Variants in EZH1 observed in about 807,000 individuals in gnomAD.
EZH1 encodes enhancer of zeste 1 polycomb repressive complex 2 subunit.
In EZH1, 33 loss-of-function variants were observed where a neutral mutation model predicts 100.5. The observed-to-expected ratio is 0.33, with a 90% CI of 0.25 to 0.44. The LOEUF (loss-of-function observed/expected upper bound fraction) is 0.44. Ranked by LOEUF, EZH1 falls within the 20% of genes least tolerant of loss-of-function variation. The probability of loss-of-function intolerance (pLI) is 1.00; values close to 1 mark genes in which losing one functional copy is unlikely to be tolerated. For synonymous variants in EZH1, 272 were observed against 313.8 expected, an observed-to-expected ratio of 0.87 and a Z score of 1.41; for missense variants, 475 against 928.4, an observed-to-expected ratio of 0.51 and a Z score of 6.35.
At chr17:42,743,818 T>C (rs2054224997) in intron 1 of EZH1, among the ~76,000 whole-genome samples, 1 of 152,122 alleles carries the variant, frequency 6.6e-6, no homozygotes, top group South Asian at 2.1e-4. Flanking sequence ...ATCTCTTTTA[T>C]CAGTGGCATA....
chr17:42,709,305 T>C (rs888188687), intron 13 of EZH1: 2 of 223,830 alleles, frequency 8.9e-6, no homozygotes. Context: ...TCAGGAATCT[T>C]CTCTGAAAGA....
At chr17:42,719,999 T>C (rs1597842613) in intron 7 of EZH1, among the ~76,000 whole-genome samples, 1 of 152,230 alleles carries the variant, frequency 6.6e-6, no homozygotes, top group Non-Finnish European at 1.5e-5. Context: ...ATATAAAATT[T>C]GATATATACA....
rs2143828767 is a variant in EZH1 at position 42,727,662 on chromosome 17, A to G, written c.219T>C (p.Pro73=). Residue 73 remains proline, a synonymous_variant, in exon 4 of 21, where the codon CCT becomes CCC. Coordinates refer to ENST00000428826, the MANE Select transcript of EZH1 (RefSeq NM_001991.5). ...TTTTGAGAAAAGGGTGTCCACTCAC[A>G]GGCTTCATTGACTGAACAGGTTGGA... is the stretch of plus-strand genomic sequence containing the variant. ...LRVQPVQSMK[P]VSGHPFLKKC... The G allele has an allele frequency of 6.2e-7, 1 of 1,613,226 alleles. No individual in the cohort carries two copies. Among genetic ancestry groups the G allele is most frequent in the Non-Finnish European group, 8.5e-7 (1 of 1,179,658 alleles).
At chr17:42,741,504 G>A (rs1341346171) in intron 1 of EZH1, among the ~76,000 whole-genome samples, 2 of 152,048 alleles carry the variant, frequency 1.3e-5, no homozygotes, top group East Asian at 3.9e-4. Context: ...GCCACAACGT[G>A]GGGGGCCCAA....
chr17:42,733,073 C>G (rs2053985704), intron 1 of EZH1, among the ~76,000 whole-genome samples: 1 of 150,882 alleles, frequency 6.6e-6, no homozygotes, highest in Admixed American at 6.6e-5. Context: ...TGCGCTGGCT[C>G]ACGGTTGTAA....
In EZH1 at chr17:42,721,012, G is replaced by A. The variant is rs546216488; in HGVS notation, c.488-563C>T. The stretch of plus-strand genomic sequence containing the variant: ...AGTCACAAGTCAACTCTGAATTTCT[G>A]GTTCAAAATCTCATGAAAGTGTTCA... On this transcript the variant is annotated intron_variant, in intron 6 of 20. Transcript: ENST00000428826. 3.3e-5 allele frequency among the ~76,000 whole-genome samples: 5 copies of A among 152,220 alleles called. No individual in the cohort carries two copies. The South Asian group carries it at 1.0e-3, about 32-fold the overall frequency.
chr17:42,737,936 G>A (rs1213800276), intron 1 of EZH1, among the ~76,000 whole-genome samples: 1 of 152,052 alleles, frequency 6.6e-6, no homozygotes, highest in African/African-American at 2.4e-5. Context: ...CAGCACTTTG[G>A]GAGGCCGAGA....
chr17:42,726,261 G>A (rs1567999463), intron 4 of EZH1, among the ~76,000 whole-genome samples: 1 of 146,036 alleles, frequency 6.8e-6, no homozygotes, highest in Non-Finnish European at 1.5e-5. Flanking sequence ...GCCCAGGCTG[G>A]AGATCATAGC....
rs2053246627 is a variant in EZH1 at position 42,701,851 on chromosome 17, AACT to A, written c.*678_*680del. 1 of 152,384 alleles carries A rather than the reference AACT, an allele frequency of 6.6e-6. No homozygotes were observed. Among genetic ancestry groups the A allele is most frequent in the Non-Finnish European group, 1.5e-5 (1 of 68,060 alleles). 9.4% of individuals were successfully genotyped at this position (152,384 alleles called of 1,614,324 possible). On this transcript the variant is annotated 3_prime_UTR_variant, in exon 21 of 21. Transcript: ENST00000428826. Reference sequence around the variant, plus strand: ...CTCCTGGGCCCAAGCTTAGCAGTTTAACTACTATCATCTGGCTGGTTCTCCCTC... The same window carrying A: ...CTCCTGGGCCCAAGCTTAGCAGTTTAACTATCATCTGGCTGGTTCTCCCTC...
At chr17:42,713,063 AT>A in intron 11 of EZH1, 145 bp downstream of exon 11, 5 of 689,506 alleles carry the variant, frequency 7.3e-6, no homozygotes, top group Non-Finnish European at 4.5e-6. Context: ...AAAAAAGAAA[AT>A]ATTCCCCATC....
At chr17:42,737,799 A>G (rs2054094486) in intron 1 of EZH1, among the ~76,000 whole-genome samples, 1 of 152,138 alleles carries the variant, frequency 6.6e-6, no homozygotes, top group African/African-American at 2.4e-5. Flanking sequence ...CTGGATCTCA[A>G]TTTGCTGCAA....
rs2053515303 is a variant in EZH1 at position 42,712,958 on chromosome 17, A to G, written c.1204+251T>C. 2.7e-5 allele frequency among the ~76,000 whole-genome samples: 4 copies of G among 148,860 alleles called. No homozygotes were observed. In the South Asian group the frequency reaches 8.5e-4, roughly 32 times the overall value. On this transcript the variant is annotated intron_variant, in intron 11 of 20. Transcript: ENST00000428826. Reference sequence around the variant, plus strand: ...GAGGCTGAGGCAGGAGAATCGCTTGAACCTGGGAGGTGGAGGTTGCAGTGA... The same window carrying G: ...GAGGCTGAGGCAGGAGAATCGCTTGGACCTGGGAGGTGGAGGTTGCAGTGA...
chr17:42,742,676 T>C (rs1456491890), intron 1 of EZH1, among the ~76,000 whole-genome samples: 1 of 152,176 alleles, frequency 6.6e-6, no homozygotes, highest in African/African-American at 2.4e-5. Flanking sequence ...AATAGTAGTA[T>C]CTACTATGTG....
rs2053218483 is a variant in EZH1 at position 42,700,374 on chromosome 17, C to T, written c.*2158G>A. On this transcript the variant is annotated 3_prime_UTR_variant, in exon 21 of 21. Coordinates refer to ENST00000428826, the MANE Select transcript of EZH1 (RefSeq NM_001991.5). ...CGCATGTATACCAGGCTCCCCTAGT[C>T]CCCACCACCTTGCCCCATCCATCAT... 1 of 152,822 alleles carries T rather than the reference C, an allele frequency of 6.5e-6. No individual in the cohort carries two copies. Among genetic ancestry groups the T allele is most frequent in the African/African-American group, 2.4e-5 (1 of 41,442 alleles). 9.5% of individuals were successfully genotyped at this position (152,822 alleles called of 1,614,324 possible). A position where few individuals can be genotyped will look rare whatever the true frequency, so the allele number is the denominator to read the frequency against.
chr17:42,743,763 T>C (rs537142079), intron 1 of EZH1, among the ~76,000 whole-genome samples: 1 of 151,832 alleles, frequency 6.6e-6, no homozygotes, highest in African/African-American at 2.4e-5. Context: ...CCGAGCCCAG[T>C]CTAAAGTACT....
chr17:42,710,248 ATCT>A (rs749907901), intron 12 of EZH1, among the ~76,000 whole-genome samples: 17 of 152,288 alleles, frequency 1.1e-4, no homozygotes, highest in East Asian at 3.9e-4. Flanking sequence ...GACCAACAGT[ATCT>A]TCTTCTTTTT....
chr17:42,704,958 C>A, intron 17 of EZH1, 130 bp downstream of exon 17: 1 of 804,050 alleles, frequency 1.2e-6, no homozygotes. Flanking sequence ...GTGGGATCTC[C>A]CCAAGAGGCC....
chr17:42,715,075 C>T (rs2053571886), intron 10 of EZH1, among the ~76,000 whole-genome samples: 2 of 134,184 alleles, frequency 1.5e-5, no homozygotes, highest in South Asian at 4.5e-4. Flanking sequence ...CTATATATTA[C>T]ATGTATTTAT....
intron 1 of EZH1, among the ~76,000 whole-genome samples, chr17:42,735,350 C>A (rs958414941): frequency 2.7e-5 from 4 of 150,154 alleles, no homozygotes; most frequent in Non-Finnish European, 3.0e-5. Context: ...CCCTAACCAA[C>A]AATTATCATA....
Sources: allele counts gnomAD v4.1 joint callset (sites outside exome capture counted in the v4.1 genomes callset), GRCh38; gene constraint gnomAD v4.1.1; transcripts MANE v1.5; gene names NCBI Gene and HGNC (gene_info 2026-07-23, HGNC 2026-07-21).